Variants in LRRC4C observed in about 807,000 individuals in gnomAD.
LRRC4C encodes leucine rich repeat containing 4C.
LRRC4C carries 5 observed loss-of-function variants against 33.6 expected under a neutral mutation model. The observed-to-expected ratio is 0.15, with a 90% confidence interval of 0.08 to 0.31. The LOEUF is 0.31. LRRC4C is among the 10% of genes least tolerant of loss of function. LRRC4C has a pLI of 1.00. For synonymous variants in LRRC4C, 329 were observed against 302.0 expected, an observed-to-expected ratio of 1.09 and a Z score of -0.93; for missense variants, 560 against 796.7, an observed-to-expected ratio of 0.70 and a Z score of 3.58.
At chr11:40,650,244 A>T (rs1447315134) in intron 2 of LRRC4C, among the ~76,000 whole-genome samples, 1 of 152,186 alleles carries the variant, frequency 6.6e-6, no homozygotes, top group Non-Finnish European at 1.5e-5. Context: ...CCAAAGCAAA[A>T]TGGAGCCACT....
intron 1 of LRRC4C, among the ~76,000 whole-genome samples, chr11:41,173,672 A>G (rs188755490): frequency 1.3e-5 from 2 of 152,150 alleles, no homozygotes; most frequent in East Asian, 3.9e-4. Flanking sequence ...CTCTCCATTG[A>G]CACCATAGCC....
Position 41,057,883 on chromosome 11 carries a change from C to T in LRRC4C, c.-495-124160G>A, listed in dbSNP as rs1858750166. ...TGAATTGTGTAGCCGAGAGGAGCTA[C>T]CCTCTCTGCTAGGAGCCGAACACTC... On this transcript the variant is annotated intron_variant, in intron 1 of 6. Coordinates refer to ENST00000528697, the MANE Select transcript of LRRC4C (RefSeq NM_001258419.2). 2.0e-5 allele frequency among the ~76,000 whole-genome samples: 3 copies of T among 152,268 alleles called. No homozygotes were observed. The South Asian group carries it at 6.2e-4, about 32-fold the overall frequency.
At chr11:41,234,797 T>C (rs1192607525) in intron 1 of LRRC4C, among the ~76,000 whole-genome samples, 3 of 152,004 alleles carry the variant, frequency 2.0e-5, no homozygotes, top group Non-Finnish European at 4.4e-5. Flanking sequence ...ATGAGAAAAT[T>C]GAAGTTCTGA....
At chr11:41,203,189 T>G (rs1946469825) in intron 1 of LRRC4C, among the ~76,000 whole-genome samples, 1 of 152,210 alleles carries the variant, frequency 6.6e-6, no homozygotes, top group African/African-American at 2.4e-5. Flanking sequence ...CCCTGTTTTC[T>G]TGAGGCTAGG....
intron 5 of LRRC4C, among the ~76,000 whole-genome samples, chr11:40,216,449 A>G (rs533313583): frequency 4.7e-4 from 71 of 152,224 alleles, no homozygotes; most frequent in Admixed American, 1.4e-3. Context: ...ATAATCCCCC[A>G]TCTCAATAGA....
At chr11:40,859,868 A>G (rs1313133848) in intron 2 of LRRC4C, among the ~76,000 whole-genome samples, 1 of 152,074 alleles carries the variant, frequency 6.6e-6, no homozygotes, top group Non-Finnish European at 1.5e-5. Flanking sequence ...CGAGGTCAGG[A>G]GATCGAGACC....
intron 3 of LRRC4C, among the ~76,000 whole-genome samples, chr11:40,630,339 T>TTCG (rs1219761814): frequency 8.5e-5 from 2 of 23,528 alleles, no homozygotes; most frequent in African/African-American, 2.0e-4. Context: ...CCTCTTCTTC[T>TTCG]TCTTCTTCTT....
In LRRC4C at chr11:40,378,722, G is replaced by T. The variant is rs145156121; in HGVS notation, c.-269-59001C>A. On this transcript the variant is annotated intron_variant, in intron 3 of 6. Coordinates refer to ENST00000528697, the MANE Select transcript of LRRC4C (RefSeq NM_001258419.2). ...ACGTCCCTTCCAAGTTGGAGTTAAT[G>T]ACTCTGATCACATTTCTTTATTGTG... 6.1e-3 allele frequency among the ~76,000 whole-genome samples: 921 copies of T among 152,162 alleles called. 11 individuals are homozygous for T. The highest frequency in any genetic ancestry group is 0.021 in the African/African-American group (877 of 41,554).
chr11:40,384,609 G>T (rs1270350690), intron 3 of LRRC4C, among the ~76,000 whole-genome samples: 2 of 152,110 alleles, frequency 1.3e-5, no homozygotes, highest in East Asian at 3.9e-4. Flanking sequence ...AATACCAGGA[G>T]TCTCTTAAAA....
chr11:40,473,667 C>T (rs1313315197), intron 3 of LRRC4C, among the ~76,000 whole-genome samples: 3 of 152,180 alleles, frequency 2.0e-5, no homozygotes, highest in African/African-American at 7.2e-5. Context: ...CAAATTGTCT[C>T]TGTTTACAGA....
intron 3 of LRRC4C, among the ~76,000 whole-genome samples, chr11:40,570,415 A>G (rs1362022832): frequency 3.3e-5 from 5 of 152,154 alleles, no homozygotes; most frequent in African/African-American, 1.2e-4. Context: ...GGCAACCCAA[A>G]GACTGCCAGG....
At chr11:40,437,483 C>T (rs576219099) in intron 3 of LRRC4C, among the ~76,000 whole-genome samples, 7 of 149,726 alleles carry the variant, frequency 4.7e-5, no homozygotes, top group Admixed American at 6.7e-5. Flanking sequence ...AGCCTCTGCC[C>T]GCCATGTTCC....
chr11:40,397,242 G>A (rs918676189), intron 3 of LRRC4C, among the ~76,000 whole-genome samples: 1 of 152,152 alleles, frequency 6.6e-6, no homozygotes, highest in Admixed American at 6.6e-5. Context: ...GTGTGACAAA[G>A]AGTGTTCCTA....
intron 6 of LRRC4C, among the ~76,000 whole-genome samples, chr11:40,116,585 T>C (rs1445340603): frequency 6.6e-6 from 1 of 152,186 alleles, no homozygotes; most frequent in Non-Finnish European, 1.5e-5. Flanking sequence ...TAGAGGACAC[T>C]AATGTATTGT....
At chr11:40,341,486 G>A (rs538519417) in intron 3 of LRRC4C, among the ~76,000 whole-genome samples, 7 of 150,736 alleles carry the variant, frequency 4.6e-5, no homozygotes, top group Admixed American at 6.6e-5. Flanking sequence ...ACTCATAGGC[G>A]GGAACTGAAC....
chr11:40,193,704 C>T (rs1862030123), intron 5 of LRRC4C, among the ~76,000 whole-genome samples: 1 of 151,974 alleles, frequency 6.6e-6, no homozygotes, highest in Admixed American at 6.6e-5. Context: ...AGCTAAGAAC[C>T]TTGATATGAG....
intron 1 of LRRC4C, among the ~76,000 whole-genome samples, chr11:40,974,977 G>A (rs1290574973): frequency 6.6e-6 from 1 of 152,084 alleles, no homozygotes; most frequent in East Asian, 1.9e-4. Flanking sequence ...CTGGTTTTGA[G>A]GTGTCTCAAC....
intron 4 of LRRC4C, among the ~76,000 whole-genome samples, chr11:40,242,692 T>C (rs1866011867): frequency 1.3e-5 from 2 of 152,088 alleles, no homozygotes; most frequent in Non-Finnish European, 1.5e-5. Context: ...TAGCATTTAA[T>C]ATATAAAGAA....
At chr11:40,729,675 G>T (rs1196715719) in intron 2 of LRRC4C, among the ~76,000 whole-genome samples, 2 of 152,044 alleles carry the variant, frequency 1.3e-5, no homozygotes, top group Admixed American at 6.6e-5. Context: ...AAGTTCATTG[G>T]TTTCACTTAT....
Sources: allele counts gnomAD v4.1 joint callset (sites outside exome capture counted in the v4.1 genomes callset), GRCh38; gene constraint gnomAD v4.1.1; transcripts MANE v1.5; gene names NCBI Gene and HGNC (gene_info 2026-07-23, HGNC 2026-07-21).